ERC1: variants seen among roughly 807,000 people sequenced by gnomAD.
ERC1 encodes the protein ELKS/RAB6-interacting/CAST family member 1.
ERC1 carries 56 observed loss-of-function variants against 132.0 expected under a neutral mutation model. That is an observed-to-expected ratio of 0.42 (90% confidence interval 0.34 to 0.53). The LOEUF (loss-of-function observed/expected upper bound fraction) is 0.53, where lower values mean the gene tolerates loss of function less well. Among genes scored for constraint, ERC1 ranks in the 20% least tolerant of loss-of-function variants. The pLI, the probability that ERC1 is intolerant of heterozygous loss-of-function variation, is 0.03. For synonymous variants in ERC1, 478 were observed against 476.1 expected, an observed-to-expected ratio of 1.00 and a Z score of -0.05; for missense variants, 1,202 against 1,349.9, an observed-to-expected ratio of 0.89 and a Z score of 1.72.
At position 1,494,117 on chromosome 12, in the gene ERC1, AC is replaced by A; in HGVS notation, c.*3889del. On this transcript the variant is annotated 3_prime_UTR_variant, in exon 19 of 19. Transcript: ENST00000360905. The stretch of plus-strand genomic sequence containing the variant: ...AGAAGACCGCTGCGTGGAGTGTGAC[AC>A]CACATGGCATTTCTCAAGCCCAGCG... 1 of 231,960 alleles carries A rather than the reference AC, an allele frequency of 4.3e-6. No individual in the cohort carries two copies. The highest frequency in any genetic ancestry group is 8.5e-6 in the Non-Finnish European group (1 of 117,310). The allele number at this position is 231,960 out of a possible 1,614,324, so 14.4% of individuals were successfully genotyped here.
chr12:1,016,733 C>G (rs541609549), intron 1 of ERC1, among the ~76,000 whole-genome samples: 2 of 150,330 alleles, frequency 1.3e-5, no homozygotes, highest in East Asian at 3.9e-4. Flanking sequence ...TCACTGCAAC[C>G]TCCGCCTCCT....
chr12:1,433,603 A>G (rs187966132), intron 17 of ERC1, among the ~76,000 whole-genome samples: 1 of 152,170 alleles, frequency 6.6e-6, no homozygotes, highest in Admixed American at 6.5e-5. Flanking sequence ...ATGGTTTGCT[A>G]GCTGGAGGCT....
intron 14 of ERC1, among the ~76,000 whole-genome samples, chr12:1,268,978 A>T (rs1243826711): frequency 6.6e-6 from 1 of 152,216 alleles, no homozygotes; most frequent in Non-Finnish European, 1.5e-5. Context: ...GCACAGTCAG[A>T]TCATGCTGAA....
At chr12:1,471,396 T>C (rs2093858321) in intron 18 of ERC1, among the ~76,000 whole-genome samples, 1 of 152,240 alleles carries the variant, frequency 6.6e-6, no homozygotes, top group African/African-American at 2.4e-5. Context: ...AGCCAGAATT[T>C]TAGAAGTGTC....
chr12:1,311,746 G>C (rs1253155830), intron 15 of ERC1, among the ~76,000 whole-genome samples: 1 of 152,156 alleles, frequency 6.6e-6, no homozygotes. Context: ...AGATGCAATT[G>C]CTTTACTCAT....
intron 1 of ERC1, among the ~76,000 whole-genome samples, chr12:1,009,375 C>T (rs1352393866): frequency 2.0e-5 from 3 of 152,028 alleles, no homozygotes; most frequent in African/African-American, 7.2e-5. Flanking sequence ...AGGGTTTCAC[C>T]GTGTTAGCCA....
rs531842101 is a variant in ERC1, at chr12:1,302,811, T to G, written c.2780+12799T>G. On this transcript the variant is annotated intron_variant, in intron 15 of 18. Transcript: ENST00000360905. ...AACCTGTCGCTACAAAAAAAGAAAA[T>G]AAATAGCGGGGCATGGTGGCACACA... Among the ~76,000 whole-genome samples, 4 of 151,440 alleles carry G rather than the reference T, an allele frequency of 2.6e-5. No homozygotes were observed. In the East Asian group the frequency reaches 7.8e-4, roughly 30 times the overall value.
intron 15 of ERC1, among the ~76,000 whole-genome samples, chr12:1,310,239 A>T (rs60222319): frequency 6.7e-6 from 1 of 149,684 alleles, no homozygotes; most frequent in Admixed American, 6.6e-5. Flanking sequence ...ATTTTATTTT[A>T]TTTTGAGGAA....
intron 8 of ERC1, among the ~76,000 whole-genome samples, chr12:1,178,565 A>G (rs1054849753): frequency 1.3e-5 from 2 of 152,192 alleles, no homozygotes; most frequent in Non-Finnish European, 2.9e-5. Flanking sequence ...TATACATAAT[A>G]TATACATGTA....
At chr12:1,357,482 A>C (rs1380931716) in intron 15 of ERC1, among the ~76,000 whole-genome samples, 1 of 152,196 alleles carries the variant, frequency 6.6e-6, no homozygotes, top group Non-Finnish European at 1.5e-5. Context: ...CTAAATAAGC[A>C]GAAGCATTCT....
At chr12:1,290,521 T>G (rs1445160743) in intron 15 of ERC1, among the ~76,000 whole-genome samples, 1 of 152,214 alleles carries the variant, frequency 6.6e-6, no homozygotes, top group African/African-American at 2.4e-5. Context: ...GCTATACACA[T>G]TTTCCTGCTT....
At chr12:1,158,329 T>C (rs1231860964) in intron 8 of ERC1, among the ~76,000 whole-genome samples, 2 of 152,226 alleles carry the variant, frequency 1.3e-5, no homozygotes, top group Admixed American at 1.3e-4. Context: ...CATTGCTTAC[T>C]GTAATTATGA....
intron 14 of ERC1, among the ~76,000 whole-genome samples, chr12:1,270,595 T>A (rs1231046260): frequency 3.3e-5 from 5 of 151,926 alleles, no homozygotes; most frequent in Non-Finnish European, 1.5e-5. Context: ...CTCATTAAGA[T>A]AATATGTTTA....
chr12:1,352,610 AC>A (rs1197722390), intron 15 of ERC1, among the ~76,000 whole-genome samples: 1 of 149,762 alleles, frequency 6.7e-6, no homozygotes, highest in Non-Finnish European at 1.5e-5. Flanking sequence ...CTGTCAGTAA[AC>A]CCCCCACACA....
intron 10 of ERC1, 48 bp downstream of exon 10, chr12:1,182,113 G>A (rs373913550): frequency 2.1e-5 from 33 of 1,568,914 alleles, no homozygotes; most frequent in Admixed American, 3.6e-5. Flanking sequence ...ATCATTGCAT[G>A]TGTCTGTATG....
chr12:1,418,661 C>CTTTCT (rs1293416058), intron 17 of ERC1, among the ~76,000 whole-genome samples: 1 of 100,628 alleles, frequency 9.9e-6, no homozygotes, highest in Non-Finnish European at 1.9e-5. Flanking sequence ...CTCTCTCTCT[C>CTTTCT]TTTCTTTTCT....
At chr12:1,327,426 T>C (rs2082524702) in intron 15 of ERC1, among the ~76,000 whole-genome samples, 2 of 152,214 alleles carry the variant, frequency 1.3e-5, no homozygotes, top group Non-Finnish European at 2.9e-5. Flanking sequence ...CATTAAACAA[T>C]ATGTAGCCCC....
chr12:1,378,122 G>A (rs2088167058), intron 16 of ERC1, among the ~76,000 whole-genome samples: 2 of 152,160 alleles, frequency 1.3e-5, no homozygotes, highest in Non-Finnish European at 2.9e-5. Flanking sequence ...TATGAAAAAT[G>A]TGATTTGTTC....
chr12:1,356,621 T>C (rs1656184046), intron 15 of ERC1, among the ~76,000 whole-genome samples: 1 of 152,204 alleles, frequency 6.6e-6, no homozygotes, highest in South Asian at 2.1e-4. Context: ...ACGCTTCCCA[T>C]CTTTTTATGT....
Sources: gnomAD v4.1 joint callset for allele counts (sites outside exome capture counted in the v4.1 genomes callset) on GRCh38, gnomAD v4.1.1 for gene constraint, MANE v1.5 for transcripts, NCBI Gene and HGNC (gene_info 2026-07-23, HGNC 2026-07-21) for gene names.